The following ZC3H4 variants were observed in gnomAD, a reference collection of about 807,000 sequenced individuals.
The protein encoded by ZC3H4 is zinc finger CCCH-type containing 4.
Under a neutral mutation model 108.3 loss-of-function variants are expected in ZC3H4, and 13 were observed. The observed-to-expected ratio is 0.12, with a 90% CI of 0.08 to 0.19. The LOEUF (loss-of-function observed/expected upper bound fraction) is 0.19, where lower values mean the gene tolerates loss of function less well. ZC3H4 is among the 10% of genes least tolerant of loss of function. The pLI, the probability that ZC3H4 is intolerant of heterozygous loss-of-function variation, is 1.00. For missense variants in ZC3H4, 1,734 were observed against 1,838.8 expected, an observed-to-expected ratio of 0.94 and a Z score of 1.04; for synonymous variants, 917 against 749.6, an observed-to-expected ratio of 1.22 and a Z score of -3.65.
intron 11 of ZC3H4, among the ~76,000 whole-genome samples, chr19:47,077,889 G>C (rs1568540940): frequency 6.6e-6 from 1 of 151,456 alleles, no homozygotes; most frequent in Non-Finnish European, 1.5e-5. Flanking sequence ...AGAAGGTATG[G>C]ATTTTCAGGA....
intron 2 of ZC3H4, among the ~76,000 whole-genome samples, chr19:47,100,767 C>T (rs976338953): frequency 2.0e-5 from 3 of 152,004 alleles, no homozygotes; most frequent in African/African-American, 7.2e-5. Context: ...GGCGTGATTT[C>T]GGCTCACTGC....
At position 47,094,456 on chromosome 19, in the gene ZC3H4, C is replaced by T; in HGVS notation, c.314G>A (p.Arg105Gln). 2 of 1,614,172 alleles carry T rather than the reference C, an allele frequency of 1.2e-6. No homozygotes were observed. Among genetic ancestry groups the T allele is most frequent in the Non-Finnish European group, 1.7e-6 (2 of 1,180,034 alleles). ...TTTCTCCCGCTCTTTCTTCCGTTTC[C>T]GCTTCAGTCTCCTGTGGGACTTCTC... ...DEEKSHRRLK[R>Q]KRKKEREKEK... The change falls in exon 3 of 15, where the codon CGG becomes CAG. Residue 105 changes from arginine (R) to glutamine (Q), a missense_variant. Coordinates refer to ENST00000253048, the MANE Select transcript of ZC3H4 (RefSeq NM_015168.2).
chr19:47,072,234 C>T lies in ZC3H4; in HGVS notation c.1803-113G>A, dbSNP rs966994249. ...GAAGGTCATGGGCCCCAGACCAGGA[C>T]TCCCACAGCTGGGGAGAGAGGCAGG... is the stretch of plus-strand genomic sequence containing the variant. On this transcript the variant is annotated intron_variant, in intron 12 of 14. Coordinates refer to ENST00000253048, the MANE Select transcript of ZC3H4 (RefSeq NM_015168.2). The surrounding 1 kb of genome is among the most constrained non-coding windows in gnomAD (Gnocchi z 5.6). 2.2e-6 allele frequency: 3 copies of T among 1,392,284 alleles called. No homozygotes were observed. In the African/African-American group the frequency reaches 4.4e-5, roughly 20 times the overall value. 86.2% of individuals were successfully genotyped at this position (1,392,284 alleles called of 1,614,324 possible).
chr19:47,069,402 GC>G lies in ZC3H4; in HGVS notation c.2147-60del, dbSNP rs1264293815. 40 of 1,556,860 alleles carry G rather than the reference GC, an allele frequency of 2.6e-5. No individual in the cohort carries two copies. The Admixed American group carries it at 6.9e-4, about 27-fold the overall frequency. On this transcript the variant is annotated intron_variant, in intron 13 of 14. Coordinates refer to ENST00000253048, the MANE Select transcript of ZC3H4 (RefSeq NM_015168.2). ...GAAGGGCCTCCAGGTGCCAACTCCA[GC>G]CCCCCTGCCCCTCACTGCAAACCCA... is the stretch of plus-strand genomic sequence containing the variant.
chr19:47,112,057 G>T, intron 2 of ZC3H4: 1 of 935,650 alleles, frequency 1.1e-6, no homozygotes, highest in Non-Finnish European at 1.3e-6. Context: ...GGGGCAGCCA[G>T]GACCCCCGTG....
intron 2 of ZC3H4, among the ~76,000 whole-genome samples, chr19:47,101,819 G>A (rs373285720): frequency 1.1e-4 from 16 of 149,090 alleles, no homozygotes; most frequent in East Asian, 6.0e-4. Context: ...TGCAATGAGC[G>A]ATCGCACCAC....
At chr19:47,105,217 T>C (rs1600110318) in intron 2 of ZC3H4, among the ~76,000 whole-genome samples, 1 of 152,308 alleles carries the variant, frequency 6.6e-6, no homozygotes, top group East Asian at 1.9e-4. Context: ...TATCACGTGG[T>C]GGGCAGCAAC....
At chr19:47,088,196 C>G (rs577493077) in intron 5 of ZC3H4, among the ~76,000 whole-genome samples, 1 of 151,832 alleles carries the variant, frequency 6.6e-6, no homozygotes, top group Admixed American at 6.6e-5. Context: ...AATAAATAAG[C>G]TGGGTGTGGT....
chr19:47,071,412 C>T (rs917321908), intron 13 of ZC3H4, among the ~76,000 whole-genome samples: 4 of 152,138 alleles, frequency 2.6e-5, no homozygotes, highest in Admixed American at 2.0e-4. Context: ...CTGGTTGCTC[C>T]AAGCCGAGAA....
At chr19:47,112,026 T>C in intron 2 of ZC3H4, 2 of 709,208 alleles carry the variant, frequency 2.8e-6, no homozygotes, top group Non-Finnish European at 3.5e-6. Context: ...AGCGGGCCCG[T>C]AGCTGCCAGC....
chr19:47,089,204 CAAAAAAA>C (rs888647856), intron 5 of ZC3H4, among the ~76,000 whole-genome samples: 47 of 26,838 alleles, frequency 1.8e-3, no homozygotes, highest in Non-Finnish European at 2.7e-3. Flanking sequence ...GACTCCGTCT[CAAAAAAA>C]AAAAAAAAAA....
intron 1 of ZC3H4, among the ~76,000 whole-genome samples, chr19:47,112,972 A>AG (rs1483735412): frequency 1.3e-5 from 2 of 148,566 alleles, no homozygotes; most frequent in Non-Finnish European, 3.0e-5. Flanking sequence ...AGAGCGAGCG[A>AG]GGGGGGTGGG....
intron 5 of ZC3H4, among the ~76,000 whole-genome samples, chr19:47,088,342 T>C (rs2057668899): frequency 6.6e-6 from 1 of 151,062 alleles, no homozygotes. Context: ...GGTCGAGAGA[T>C]CGAGACCACC....
At chr19:47,068,486 C>A (rs1024804277) in intron 14 of ZC3H4, among the ~76,000 whole-genome samples, 2 of 152,220 alleles carry the variant, frequency 1.3e-5, no homozygotes, top group East Asian at 3.9e-4. Flanking sequence ...TGGGCAGACT[C>A]AGACATGGGC....
chr19:47,079,624 G>A (rs1305963511), intron 11 of ZC3H4, among the ~76,000 whole-genome samples: 3 of 152,146 alleles, frequency 2.0e-5, no homozygotes, highest in East Asian at 1.9e-4. Flanking sequence ...CATGCCAGGC[G>A]CTGTGGCTCA....
At chr19:47,068,986 A>G in intron 14 of ZC3H4, 106 bp downstream of exon 14, 1 of 1,564,952 alleles carries the variant, frequency 6.4e-7, no homozygotes. Context: ...CTCCCTAGCC[A>G]TGGGCTCCTT....
intron 13 of ZC3H4, among the ~76,000 whole-genome samples, chr19:47,070,071 C>T (rs1236416580): frequency 3.9e-5 from 6 of 152,088 alleles, no homozygotes; most frequent in Admixed American, 6.5e-5. Flanking sequence ...GGCTCGGCGA[C>T]GCCTCCTGCA....
intron 11 of ZC3H4, among the ~76,000 whole-genome samples, chr19:47,074,051 C>T (rs771591072): frequency 8.5e-5 from 13 of 152,056 alleles, no homozygotes; most frequent in Admixed American, 2.0e-4. Context: ...CCCACGATCC[C>T]GACTCCTCCA....
At position 47,066,376 on chromosome 19, in the gene ZC3H4, C is replaced by T; in HGVS notation, c.3892G>A (p.Ala1298Thr). ...KDVFKGFDPT[A>T]SPFCQ The stretch of plus-strand genomic sequence containing the variant: ...GGACACTACTGGCAAAAGGGGGAGG[C>T]CGTGGGGTCGAAGCCTTTAAAAACA... Residue 1298 changes from alanine (A) to threonine (T), a missense_variant, in exon 15 of 15, where the codon GCC becomes ACC. Ala to Thr is a moderately conservative substitution (Grantham distance 58, BLOSUM62 0). This residue lies in a region of ZC3H4 where 518 missense variants were observed against 499.6 expected (regional missense o/e 1.04). Coordinates refer to ENST00000253048, the MANE Select transcript of ZC3H4 (RefSeq NM_015168.2). 6.4e-7 allele frequency: 1 copy of T among 1,559,220 alleles called. No individual in the cohort carries two copies. The highest frequency in any genetic ancestry group is 8.7e-7 in the Non-Finnish European group (1 of 1,155,076).
Sources: gnomAD v4.1 joint callset for allele counts (sites outside exome capture counted in the v4.1 genomes callset) on GRCh38, gnomAD v4.1.1 for gene constraint, gnomAD v4.1.1 regional missense constraint, Gnocchi (gnomAD v3.1) non-coding constraint, MANE v1.5 for transcripts, NCBI Gene and HGNC (gene_info 2026-07-23, HGNC 2026-07-21) for gene names.